The following TRIM33 variants were observed in gnomAD, a reference collection of about 807,000 sequenced individuals.
The protein encoded by TRIM33 is tripartite motif containing 33.
Under a neutral mutation model 125.4 loss-of-function variants are expected in TRIM33, and 20 were observed. That is an observed-to-expected ratio of 0.16 (90% confidence interval 0.11 to 0.23). TRIM33 has a LOEUF of 0.23. Ranked by LOEUF, TRIM33 falls within the 10% of genes least tolerant of loss-of-function variation. The pLI is 1.00. For synonymous variants in TRIM33, 564 were observed against 513.9 expected, an observed-to-expected ratio of 1.10 and a Z score of -1.32; for missense variants, 920 against 1,411.4, an observed-to-expected ratio of 0.65 and a Z score of 5.58.
At chr1:114,498,151 T>C (rs970506753) in intron 1 of TRIM33, among the ~76,000 whole-genome samples, 2 of 149,260 alleles carry the variant, frequency 1.3e-5, no homozygotes, top group African/African-American at 4.9e-5. Context: ...AAAAAAGTTA[T>C]ATAATGGAAT....
intron 4 of TRIM33, among the ~76,000 whole-genome samples, chr1:114,453,150 G>A (rs1192242435): frequency 1.3e-5 from 2 of 152,038 alleles, no homozygotes; most frequent in African/African-American, 4.8e-5. Context: ...GATCACTTAA[G>A]GCCAGGAGTT....
chr1:114,425,120 A>G (rs1401928894), intron 9 of TRIM33, among the ~76,000 whole-genome samples: 1 of 152,228 alleles, frequency 6.6e-6, no homozygotes, highest in East Asian at 1.9e-4. Flanking sequence ...CCTAAGGAAC[A>G]TATCAGATCC....
At position 114,421,459 on chromosome 1, in the gene TRIM33, G is replaced by A. The variant is rs1334665087; in HGVS notation, c.2038C>T (p.Leu680=). 1.2e-6 allele frequency: 2 copies of A among 1,614,110 alleles called. No homozygotes were observed. The highest frequency in any genetic ancestry group is 2.2e-5 in the East Asian group (1 of 44,890). The stretch of plus-strand genomic sequence containing the variant: ...ACCTGTATGGGTGGAATATCTGGCA[G>A]CGATGGAAGGTTTTCTGGATTGGTA... The part of the protein sequence containing the change: ...SVTNPENLPS[L]PDIPPIQLED... Residue 680 remains leucine (L), a synonymous_variant, in exon 11 of 20, where the codon CTG becomes TTG. Coordinates refer to ENST00000358465, the MANE Select transcript of TRIM33 (RefSeq NM_015906.4).
At chr1:114,483,860 A>G (rs1388834762) in intron 1 of TRIM33, among the ~76,000 whole-genome samples, 1 of 152,224 alleles carries the variant, frequency 6.6e-6, no homozygotes, top group Non-Finnish European at 1.5e-5. Flanking sequence ...CACAGATAAA[A>G]TATTACTAGA....
At chr1:114,503,855 G>A (rs1652843892) in intron 1 of TRIM33, among the ~76,000 whole-genome samples, 1 of 152,088 alleles carries the variant, frequency 6.6e-6, no homozygotes, top group Admixed American at 6.6e-5. Context: ...TAGTTTTTAA[G>A]TAAAACCATA....
At position 114,396,205 on chromosome 1, in the gene TRIM33, AT is replaced by A. The variant is rs1651537766; in HGVS notation, c.*1442del. The A allele has an allele frequency of 4.9e-6, 1 of 203,918 alleles. No individual in the cohort carries two copies. Among genetic ancestry groups the A allele is most frequent in the South Asian group, 1.9e-4 (1 of 5,264 alleles). The allele number at this position is 203,918 out of a possible 1,614,324, so 12.6% of individuals were successfully genotyped here. A position where few individuals can be genotyped will look rare whatever the true frequency, so the allele number is the denominator to read the frequency against. The stretch of plus-strand genomic sequence containing the variant: ...AAGCCTGTAACAGTGTAGAACACAC[AT>A]TTTGAATCTGAGCATCACAAATGAA... On this transcript the variant is annotated 3_prime_UTR_variant, in exon 20 of 20. Coordinates refer to ENST00000358465, the MANE Select transcript of TRIM33 (RefSeq NM_015906.4).
rs578174815 is a variant in TRIM33 at position 114,501,189 on chromosome 1, C to G, written c.526+9362G>C. ...TGGGCGACAGAGCGAGACTCCGTCT[C>G]AAAAAAAAAAAAAAAAAAAAAAAGA... is the stretch of plus-strand genomic sequence containing the variant. On this transcript the variant is annotated intron_variant, in intron 1 of 19. Coordinates refer to ENST00000358465, the MANE Select transcript of TRIM33 (RefSeq NM_015906.4). Among the ~76,000 whole-genome samples, 18 of 23,172 alleles carry G rather than the reference C, an allele frequency of 7.8e-4. No homozygotes were observed. In the East Asian group the frequency reaches 0.011, roughly 15 times the overall value. 15.2% of individuals were successfully genotyped at this position (23,172 alleles called of 152,430 possible). A position where few individuals can be genotyped will look rare whatever the true frequency, so the allele number is the denominator to read the frequency against.
At chr1:114,440,848 A>C (rs891264269) in intron 4 of TRIM33, among the ~76,000 whole-genome samples, 1 of 152,230 alleles carries the variant, frequency 6.6e-6, no homozygotes, top group Non-Finnish European at 1.5e-5. Flanking sequence ...AAGAAGGACC[A>C]ACAAAGAATG....
intron 1 of TRIM33, among the ~76,000 whole-genome samples, chr1:114,495,104 G>A (rs373224150): frequency 3.9e-5 from 6 of 152,236 alleles, no homozygotes; most frequent in African/African-American, 1.4e-4. Context: ...AGGTAGAGAT[G>A]GGATTTCACC....
Position 114,410,306 on chromosome 1 carries a change from G to C in TRIM33, c.2072C>G (p.Ala691Gly). 1 of 1,609,948 alleles carries C rather than the reference G, an allele frequency of 6.2e-7. No homozygotes were observed. Among genetic ancestry groups the C allele is most frequent in the Non-Finnish European group, 8.5e-7 (1 of 1,178,940 alleles). The change falls in exon 12 of 20, where the codon GCT (alanine) becomes GGT (glycine). Residue 691 changes from alanine to glycine, a missense_variant. Transcript: ENST00000358465. ...TAGATTATCTAAACTACTTGAGCCA[G>C]CATCTTCCAACTGAAGAGAAAGAAG... ...PDIPPIQLED[A>G]GSSSLDNLLS...
intron 1 of TRIM33, among the ~76,000 whole-genome samples, chr1:114,495,740 G>C (rs564416039): frequency 6.6e-6 from 1 of 152,094 alleles, no homozygotes; most frequent in African/African-American, 2.4e-5. Context: ...ACAGCCAAAA[G>C]CATAAGGACT....
intron 1 of TRIM33, among the ~76,000 whole-genome samples, chr1:114,493,913 G>A (rs1157952914): frequency 2.6e-5 from 4 of 152,014 alleles, no homozygotes; most frequent in East Asian, 1.9e-4. Flanking sequence ...TGCAACCTCC[G>A]CCTCCTGATT....
At chr1:114,413,619 G>A (rs867398326) in intron 11 of TRIM33, among the ~76,000 whole-genome samples, 1,255 of 25,404 alleles carry the variant, frequency 0.049, 63 homozygotes, top group African/African-American at 0.17. Flanking sequence ...AAGTCCAAAA[G>A]CAAAACTGTA....
In TRIM33 at chr1:114,427,829, C is replaced by G. The variant is rs756954254; in HGVS notation, c.1221G>C (p.Arg407=). 1 of 1,614,138 alleles carries G rather than the reference C, an allele frequency of 6.2e-7. No homozygotes were observed. The highest frequency in any genetic ancestry group is 1.7e-5 in the Admixed American group (1 of 60,014). ...QQQNDITGLS[R]QVKHVMNFTN... ...TGAAGTTCATAACATGCTTCACCTG[C>G]CGGGAAAGGCCTGTGATGTCATTCT... The change falls in exon 7 of 20, where the codon CGG becomes CGC. Residue 407 remains arginine, a synonymous_variant. Transcript: ENST00000358465.
intron 1 of TRIM33, among the ~76,000 whole-genome samples, chr1:114,487,337 GCC>G (rs1651762975): frequency 9.2e-6 from 1 of 108,672 alleles, no homozygotes; most frequent in African/African-American, 3.6e-5. Context: ...AACCATGCAG[GCC>G]AAAAAAAAAA....
At chr1:114,499,014 T>C (rs1274034281) in intron 1 of TRIM33, among the ~76,000 whole-genome samples, 1 of 150,968 alleles carries the variant, frequency 6.6e-6, no homozygotes, top group East Asian at 1.9e-4. Flanking sequence ...CAAGAAGAGG[T>C]AAATAAACAA....
intron 4 of TRIM33, 41 bp downstream of exon 4, chr1:114,463,062 CT>C (rs765492402): frequency 6.6e-7 from 1 of 1,504,004 alleles, no homozygotes; most frequent in South Asian, 1.4e-5. Context: ...TTTACAAGCA[CT>C]TTTTATAGTA....
Position 114,463,422 on chromosome 1 carries a change from T to C in TRIM33, c.780A>G (p.Glu260=). Residue 260 remains glutamate (E), a synonymous_variant, in exon 3 of 20, where the codon GAA becomes GAG. Transcript: ENST00000358465. ...FTKDHLIRKK[E]DVSESVGASG... ...ATGCATCTATCTTACCTGAGACATC[T>C]TCTTTCTTCCTGATCAAGTGATCTT... 1.2e-6 allele frequency: 2 copies of C among 1,613,150 alleles called. No individual in the cohort carries two copies. Among genetic ancestry groups the C allele is most frequent in the East Asian group, 2.2e-5 (1 of 44,848 alleles).
intron 4 of TRIM33, among the ~76,000 whole-genome samples, chr1:114,443,040 T>G (rs1030341101): frequency 6.6e-6 from 1 of 151,810 alleles, no homozygotes; most frequent in Non-Finnish European, 1.5e-5. Context: ...CTTCCCTTCC[T>G]TTTCTTCTTT....
Sources: gnomAD v4.1 joint callset for allele counts (sites outside exome capture counted in the v4.1 genomes callset) on GRCh38, gnomAD v4.1.1 for gene constraint, MANE v1.5 for transcripts, NCBI Gene and HGNC (gene_info 2026-07-23, HGNC 2026-07-21) for gene names.